The following ANAPC1 variants were observed in gnomAD, a reference collection of about 807,000 sequenced individuals.
ANAPC1 encodes the protein anaphase-promoting complex subunit 1.
In ANAPC1, 36 loss-of-function variants were observed where a neutral mutation model predicts 208.0. The observed-to-expected ratio is 0.17, with a 90% CI of 0.13 to 0.23. The LOEUF is 0.23. ANAPC1 is among the 10% of genes least tolerant of loss of function. The pLI, the probability that ANAPC1 is intolerant of heterozygous loss-of-function variation, is 1.00. For synonymous variants in ANAPC1, 378 were observed against 695.2 expected, an observed-to-expected ratio of 0.54 and a Z score of 7.18; for missense variants, 942 against 2,011.6, an observed-to-expected ratio of 0.47 and a Z score of 10.17.
intron 44 of ANAPC1, chr2:111,779,583 T>G (rs1677170084): frequency 6.5e-6 from 1 of 152,704 alleles, no homozygotes; most frequent in South Asian, 2.1e-4. Flanking sequence ...GTGCCTATAA[T>G]CCCAGCACTT....
At chr2:111,879,202 T>C (rs1482286707) in intron 2 of ANAPC1, among the ~76,000 whole-genome samples, 1 of 152,220 alleles carries the variant, frequency 6.6e-6, no homozygotes, top group African/African-American at 2.4e-5. Flanking sequence ...TCCTCTATAT[T>C]ACTCTGCCAA....
At chr2:111,856,494 G>A in intron 13 of ANAPC1, 120 bp downstream of exon 13, 1 of 1,008,240 alleles carries the variant, frequency 9.9e-7, no homozygotes, top group Non-Finnish European at 1.5e-6. Context: ...AAATTCTTCT[G>A]CCAAATTGTG....
At chr2:111,878,494 T>C (rs967602129) in intron 3 of ANAPC1, among the ~76,000 whole-genome samples, 22 of 152,224 alleles carry the variant, frequency 1.4e-4, no homozygotes, top group African/African-American at 5.1e-4. Flanking sequence ...AGTAATCATG[T>C]GTTAAAATAT....
rs535572655 is a variant in ANAPC1, at chr2:111,869,434, A to G, written c.612-1338T>C. ...AATTTTTTGTATTTTTAGTAGAGACAGGGTTTCGCCACGTTGGGCAGGCTG... is the reference window on the plus strand; with the variant it reads ...AATTTTTTGTATTTTTAGTAGAGACGGGGTTTCGCCACGTTGGGCAGGCTG... On this transcript the variant is annotated intron_variant, in intron 6 of 47. Transcript: ENST00000341068. Among the ~76,000 whole-genome samples, 478 of 152,044 alleles carry G rather than the reference A, an allele frequency of 3.1e-3. 1 individual carries two copies. Among genetic ancestry groups the G allele is most frequent in the African/African-American group, 0.011 (448 of 41,470 alleles).
At chr2:111,793,245 G>GT (rs201448538) in intron 37 of ANAPC1, among the ~76,000 whole-genome samples, 12,474 of 151,808 alleles carry the variant, frequency 0.082, 755 homozygotes, top group Non-Finnish European at 0.11. Flanking sequence ...TGTTGTTGTT[G>GT]TTTTTTTTGG....
rs1022625985 is a variant in ANAPC1 at position 111,802,898 on chromosome 2, TA to T, written c.4143-393del. 8 of 234,806 alleles carry T rather than the reference TA, an allele frequency of 3.4e-5. 1 individual carries two copies. The highest frequency in any genetic ancestry group is 2.7e-4 in the African/African-American group (8 of 29,414). 14.5% of individuals were successfully genotyped at this position (234,806 alleles called of 1,614,324 possible). On this transcript the variant is annotated intron_variant, in intron 32 of 47. Coordinates refer to ENST00000341068, the MANE Select transcript of ANAPC1 (RefSeq NM_022662.4). ...AATCTTAGAATTTGTTTTTAATTAA[TA>T]GACTAAAGACATGGCATAACGTCTT...
At chr2:111,827,820 T>C (rs1330832873) in intron 21 of ANAPC1, among the ~76,000 whole-genome samples, 1 of 151,996 alleles carries the variant, frequency 6.6e-6, no homozygotes, top group Non-Finnish European at 1.5e-5. Context: ...CAAAAACGTA[T>C]CAACAAGGGC....
chr2:111,878,966 G>C lies in ANAPC1; in HGVS notation c.219C>G (p.Ser73Arg). 6.3e-7 allele frequency: 1 copy of C among 1,584,500 alleles called. No homozygotes were observed. ...EVTIHEKQKESWQLRKGVSEI... is the reference protein window; with the variant it reads ...EVTIHEKQKERWQLRKGVSEI... Reference sequence around the variant, plus strand: ...CACTTACTCCTTTCCTTAACTGCCAGCTTTCCTTAAAAATTAACACATGTA... The same window carrying C: ...CACTTACTCCTTTCCTTAACTGCCACCTTTCCTTAAAAATTAACACATGTA... The change falls in exon 3 of 48, where the codon AGC becomes AGG. Residue 73 changes from serine (S) to arginine (R), a missense_variant. Ser to Arg is a moderately radical substitution (Grantham distance 110, BLOSUM62 -1). Transcript: ENST00000341068.
chr2:111,862,812 A>T (rs898746440), intron 9 of ANAPC1, among the ~76,000 whole-genome samples: 1 of 152,104 alleles, frequency 6.6e-6, no homozygotes, highest in African/African-American at 2.4e-5. Context: ...TTATTATTAG[A>T]AGAACTCATC....
At chr2:111,866,257 G>C (rs972904393) in intron 7 of ANAPC1, 2 of 379,160 alleles carry the variant, frequency 5.3e-6, no homozygotes, top group African/African-American at 4.4e-5. Context: ...GCAGCAGTCA[G>C]GGACATTTGT....
At chr2:111,882,752 G>T (rs1253586227) in intron 1 of ANAPC1, among the ~76,000 whole-genome samples, 1 of 147,438 alleles carries the variant, frequency 6.8e-6, no homozygotes, top group African/African-American at 2.5e-5. Context: ...AAAAAAAAAA[G>T]AAAAGTTATT....
chr2:111,808,248 C>A (rs1053731780), intron 29 of ANAPC1, among the ~76,000 whole-genome samples: 13 of 152,036 alleles, frequency 8.6e-5, no homozygotes, highest in African/African-American at 2.9e-4. Flanking sequence ...AATAATACAT[C>A]TTTAACAATA....
intron 13 of ANAPC1, among the ~76,000 whole-genome samples, chr2:111,852,494 C>T (rs1406255910): frequency 1.3e-5 from 2 of 152,180 alleles, no homozygotes; most frequent in African/African-American, 4.8e-5. Flanking sequence ...AAGTCATGGC[C>T]ATCCCTTCCT....
chr2:111,791,158 T>C (rs942605514), intron 38 of ANAPC1, among the ~76,000 whole-genome samples: 1 of 151,730 alleles, frequency 6.6e-6, no homozygotes, highest in Non-Finnish European at 1.5e-5. Flanking sequence ...AGTTGGCTAT[T>C]AAAAGTGTAA....
chr2:111,807,646 T>C (rs1388630947), intron 29 of ANAPC1, among the ~76,000 whole-genome samples: 1 of 151,862 alleles, frequency 6.6e-6, no homozygotes, highest in African/African-American at 2.4e-5. Context: ...GAGCCAAGAT[T>C]GCACCACTGT....
intron 38 of ANAPC1, 64 bp from the exon 39 acceptor site, chr2:111,788,384 C>T: frequency 6.3e-7 from 1 of 1,575,808 alleles, no homozygotes; most frequent in South Asian, 1.2e-5. Context: ...TCAAGGCATT[C>T]TTGAGAATCA....
chr2:111,817,442 T>A (rs1397514894), intron 27 of ANAPC1, among the ~76,000 whole-genome samples: 1 of 152,080 alleles, frequency 6.6e-6, no homozygotes, highest in African/African-American at 2.4e-5. Context: ...CTATATACCA[T>A]GCCTTCCATC....
intron 39 of ANAPC1, among the ~76,000 whole-genome samples, chr2:111,787,579 T>C (rs1399483054): frequency 6.6e-6 from 1 of 152,210 alleles, no homozygotes; most frequent in African/African-American, 2.4e-5. Context: ...CTCAGGTGTC[T>C]TATAGGGGCT....
At chr2:111,855,919 C>G (rs549251936) in intron 13 of ANAPC1, among the ~76,000 whole-genome samples, 1 of 152,058 alleles carries the variant, frequency 6.6e-6, no homozygotes, top group Admixed American at 6.5e-5. Context: ...ATATTCTCTA[C>G]GTACATTTCA....
Sources: gnomAD v4.1 joint callset for allele counts (sites outside exome capture counted in the v4.1 genomes callset) on GRCh38, gnomAD v4.1.1 for gene constraint, MANE v1.5 for transcripts, NCBI Gene and HGNC (gene_info 2026-07-23, HGNC 2026-07-21) for gene names.